TCF4: variants seen among roughly 807,000 people sequenced by gnomAD.
TCF4 encodes SL3-3 enhancer factor 2.
TCF4 carries 3 observed loss-of-function variants against 82.1 expected under a neutral mutation model. The observed-to-expected ratio is 0.04, with a 90% CI of 0.02 to 0.09. TCF4 has a LOEUF of 0.09. Ranked by LOEUF, TCF4 falls within the 10% of genes least tolerant of loss-of-function variation. The pLI is 1.00. For missense variants in TCF4, 518 were observed against 852.7 expected, an observed-to-expected ratio of 0.61 and a Z score of 4.89; for synonymous variants, 276 against 309.6, an observed-to-expected ratio of 0.89 and a Z score of 1.14.
At chr18:55,589,846 T>G, upstream of TCF4, 1 of 1,000,344 alleles carries the variant, frequency 1.0e-6, no homozygotes, top group Non-Finnish European at 1.2e-6. Flanking sequence ...CTCCAGACAA[T>G]GACTGGGAAG....
At chr18:55,260,643 C>T (rs2057855640) in intron 12 of TCF4, among the ~76,000 whole-genome samples, 1 of 152,172 alleles carries the variant, frequency 6.6e-6, no homozygotes, top group South Asian at 2.1e-4. Flanking sequence ...ACTGCAACCT[C>T]TACCTCCCAG....
chr18:55,611,407 AC>A (rs2097706855), intron 2 of TCF4, among the ~76,000 whole-genome samples: 1 of 152,098 alleles, frequency 6.6e-6, no homozygotes, highest in African/African-American at 2.4e-5. Flanking sequence ...ACCATCTGCT[AC>A]CCTGCCAAGG....
Position 55,633,479 on chromosome 18 carries a change from C to T in TCF4, c.196-2091G>A, listed in dbSNP as rs745780150. Among the ~76,000 whole-genome samples the T allele has an allele frequency of 1.3e-5, 2 of 152,262 alleles. No individual in the cohort carries two copies. Among genetic ancestry groups the T allele is most frequent in the Non-Finnish European group, 2.9e-5 (2 of 68,032 alleles). ...TCACACACTGACACCTCTGCCATGT[C>T]CTATTTGTTGCAAGCAAGTCACGAA... is the stretch of plus-strand genomic sequence containing the variant. On this transcript the variant is annotated intron_variant, in intron 1 of 20. Coordinates refer to the TCF4 transcript ENST00000398339. This position sits in a 1 kb window ranked among gnomAD's most constrained non-coding sequence, Gnocchi z 4.0.
At chr18:55,286,506 G>A (rs1356447234) in intron 8 of TCF4, among the ~76,000 whole-genome samples, 1 of 152,118 alleles carries the variant, frequency 6.6e-6, no homozygotes, top group African/African-American at 2.4e-5. Context: ...AGTTCTCTTA[G>A]CATTCTCCTT....
intron 5 of TCF4, among the ~76,000 whole-genome samples, chr18:55,440,982 G>A (rs1008133181): frequency 6.6e-6 from 1 of 152,020 alleles, no homozygotes; most frequent in South Asian, 2.1e-4. Flanking sequence ...TTCTTTATAA[G>A]GTCTAACCAT....
At chr18:55,604,271 C>T in intron 2 of TCF4, among the ~76,000 whole-genome samples, 1 of 151,866 alleles carries the variant, frequency 6.6e-6, no homozygotes, top group Non-Finnish European at 1.5e-5. Context: ...CTGCCATTCT[C>T]CCACCCCCAC....
At chr18:55,301,830 T>A in intron 8 of TCF4, among the ~76,000 whole-genome samples, 1 of 100,924 alleles carries the variant, frequency 9.9e-6, no homozygotes, top group South Asian at 3.8e-4. Flanking sequence ...GGGATTCGGG[T>A]GGGGGAGAGT....
chr18:55,359,868 G>T (rs774125560), intron 6 of TCF4, among the ~76,000 whole-genome samples: 5 of 152,182 alleles, frequency 3.3e-5, no homozygotes, highest in Admixed American at 3.3e-4. Flanking sequence ...GAGGAAATCA[G>T]TTGTATGTTT....
chr18:55,590,476 G>A (rs915904197), upstream of TCF4, among the ~76,000 whole-genome samples: 3 of 152,214 alleles, frequency 2.0e-5, no homozygotes, highest in African/African-American at 7.2e-5. Context: ...AGCCACGACT[G>A]ACTCAACCCA....
At chr18:55,349,266 G>A (rs1050799803) in intron 8 of TCF4, among the ~76,000 whole-genome samples, 2 of 152,018 alleles carry the variant, frequency 1.3e-5, no homozygotes, top group African/African-American at 4.8e-5. Context: ...GACTTATTCT[G>A]ATATATTCAT....
chr18:55,464,724 CT>C (rs967196281), intron 3 of TCF4, among the ~76,000 whole-genome samples: 13 of 148,224 alleles, frequency 8.8e-5, no homozygotes, highest in South Asian at 2.1e-4. Context: ...TCTGTCTTTC[CT>C]TTTTTTTTTA....
At chr18:55,322,442 A>AAC in intron 8 of TCF4, 1 of 1,008,536 alleles carries the variant, frequency 9.9e-7, no homozygotes, top group Non-Finnish European at 1.2e-6. Context: ...AAAAAAAAAA[A>AAC]AAAAAAAACA....
chr18:55,399,741 A>G (rs116766679), intron 6 of TCF4, among the ~76,000 whole-genome samples: 2,130 of 152,242 alleles, frequency 0.014, 71 homozygotes, highest in African/African-American at 0.047. Flanking sequence ...ACCTAGCTGC[A>G]CATTAGAATA....
intron 8 of TCF4, among the ~76,000 whole-genome samples, chr18:55,335,876 C>A (rs1377510275): frequency 6.6e-6 from 1 of 151,936 alleles, no homozygotes; most frequent in African/African-American, 2.4e-5. Flanking sequence ...ACTGTATAAA[C>A]TTCCAATTAA....
chr18:55,570,919 G>C (rs1200508449), intron 3 of TCF4, among the ~76,000 whole-genome samples: 2 of 151,458 alleles, frequency 1.3e-5, no homozygotes, highest in Non-Finnish European at 2.9e-5. Context: ...GACTATAATG[G>C]GATACATTTT....
chr18:55,587,908 C>CT, intron 1 of TCF4, 130 bp downstream of exon 1: 1 of 812,780 alleles, frequency 1.2e-6, no homozygotes, highest in Non-Finnish European at 1.5e-6. Flanking sequence ...AGGGGTGTCT[C>CT]TTCTGGGAGC....
chr18:55,547,182 A>T lies in TCF4; in HGVS notation c.145+38098T>A, dbSNP rs186035815. 1.1e-3 allele frequency among the ~76,000 whole-genome samples: 170 copies of T among 152,332 alleles called. 2 individuals are homozygous for T. The highest frequency in any genetic ancestry group is 5.1e-4 in the Non-Finnish European group (35 of 68,034). The stretch of plus-strand genomic sequence containing the variant: ...TGAAGCAAGGAAGACTTCCCCTCCC[A>T]TCTAAAACTGCACTTCAGTGTCATT... On this transcript the variant is annotated intron_variant, in intron 3 of 19. Coordinates refer to ENST00000354452, the MANE Select transcript of TCF4 (RefSeq NM_001083962.2).
At chr18:55,517,585 T>C (rs2096895218) in intron 3 of TCF4, among the ~76,000 whole-genome samples, 1 of 152,196 alleles carries the variant, frequency 6.6e-6, no homozygotes, top group Non-Finnish European at 1.5e-5. Flanking sequence ...CTAACAACAT[T>C]TAGGAAGACT....
intron 3 of TCF4, among the ~76,000 whole-genome samples, chr18:55,520,985 T>C (rs914046475): frequency 8.5e-5 from 13 of 152,178 alleles, no homozygotes; most frequent in Non-Finnish European, 1.9e-4. Context: ...TTGGTATCTT[T>C]TCCTTTTCTC....
Sources: allele counts gnomAD v4.1 joint callset (sites outside exome capture counted in the v4.1 genomes callset), GRCh38; gene constraint gnomAD v4.1.1; non-coding constraint Gnocchi (gnomAD v3.1); transcripts MANE v1.5; gene names NCBI Gene and HGNC (gene_info 2026-07-23, HGNC 2026-07-21).